The following TCF7L2 variants were observed in gnomAD, a reference collection of about 807,000 sequenced individuals.
The protein encoded by TCF7L2 is transcription factor 7-like 2.
Under a neutral mutation model 77.9 loss-of-function variants are expected in TCF7L2, and 23 were observed. The ratio of observed to expected loss-of-function variants is 0.30; its 90% CI spans 0.21 to 0.42. The LOEUF is 0.42. TCF7L2 is among the 10% of genes least tolerant of loss of function. The pLI is 1.00. For missense variants in TCF7L2, 654 were observed against 793.1 expected (o/e 0.82, Z 2.11); for synonymous variants, 413 against 340.2 (o/e 1.21, Z -2.36).
chr10:113,058,912 C>G (rs1442624833), intron 5 of TCF7L2, among the ~76,000 whole-genome samples: 2 of 152,142 alleles, frequency 1.3e-5, no homozygotes, highest in Non-Finnish European at 2.9e-5. Flanking sequence ...AGTTAATGCC[C>G]GCTCTGCAAA....
intron 8 of TCF7L2, among the ~76,000 whole-genome samples, 171 bp from the exon 9 acceptor site, chr10:113,150,827 A>G (rs370061244): frequency 5.8e-4 from 89 of 152,366 alleles, no homozygotes; most frequent in African/African-American, 2.1e-3. Context: ...CATTATGAGA[A>G]TCATTATGTT....
At chr10:112,961,807 A>G (rs1223305718) in intron 3 of TCF7L2, among the ~76,000 whole-genome samples, 1 of 117,988 alleles carries the variant, frequency 8.5e-6, no homozygotes, top group Non-Finnish European at 1.7e-5. Flanking sequence ...GTCGCTGGGC[A>G]CGTGAGGGAA....
chr10:113,157,834 A>G, intron 11 of TCF7L2, 187 bp from the exon 12 acceptor site: 1 of 576,826 alleles, frequency 1.7e-6, no homozygotes, highest in Non-Finnish European at 3.1e-6. Context: ...GTGTCCCTCC[A>G]GCTGGGGTAC....
intron 5 of TCF7L2, among the ~76,000 whole-genome samples, chr10:113,112,103 T>C (rs575876014): frequency 4.7e-4 from 71 of 152,360 alleles, no homozygotes; most frequent in Non-Finnish European, 6.9e-4. Flanking sequence ...AATGGGAGTA[T>C]ACTCCCAGCT....
In TCF7L2 at chr10:113,165,643, C is replaced by A. The variant is rs766781345; in HGVS notation, c.1480C>A (p.Pro494Thr). The A allele has an allele frequency of 3.1e-6, 5 of 1,611,040 alleles. No homozygotes were observed. The highest frequency in any genetic ancestry group is 1.6e-4 in the Middle Eastern group (1 of 6,068). Residue 494 changes from proline to threonine, a missense_variant, in exon 14 of 14, where the codon CCC (proline) becomes ACC (threonine). Coordinates refer to ENST00000627217, the MANE Select transcript of TCF7L2 (RefSeq NM_001146274.2). ...AGATGGAAGCTTACTAGATTCGCCTCCCCCCTCCCCGAACCTGCTAGGCTC... is the reference window on the plus strand; with the variant it reads ...AGATGGAAGCTTACTAGATTCGCCTACCCCCTCCCCGAACCTGCTAGGCTC...
At chr10:113,083,865 A>G (rs896055220) in intron 5 of TCF7L2, among the ~76,000 whole-genome samples, 1 of 152,148 alleles carries the variant, frequency 6.6e-6, no homozygotes, top group Admixed American at 6.5e-5. Context: ...AAATTCTTCC[A>G]TTTATGCATA....
chr10:113,093,268 A>G (rs762060446), intron 5 of TCF7L2, among the ~76,000 whole-genome samples: 4 of 152,168 alleles, frequency 2.6e-5, no homozygotes, highest in Non-Finnish European at 4.4e-5. Context: ...AATTAAGGTA[A>G]CTGAGCCAGA....
At chr10:113,049,577 C>A (rs1010271624) in intron 5 of TCF7L2, among the ~76,000 whole-genome samples, 1 of 152,054 alleles carries the variant, frequency 6.6e-6, no homozygotes, top group African/African-American at 2.4e-5. Context: ...TGCTGGTCTC[C>A]TTCTTGCTTC....
intron 3 of TCF7L2, among the ~76,000 whole-genome samples, chr10:112,954,503 C>T (rs1437260474): frequency 6.6e-6 from 1 of 152,102 alleles, no homozygotes. Context: ...AAGATTTCTG[C>T]ATAATATTAA....
intron 5 of TCF7L2, among the ~76,000 whole-genome samples, chr10:113,140,111 T>A (rs1251639940): frequency 6.6e-6 from 1 of 152,166 alleles, no homozygotes; most frequent in African/African-American, 2.4e-5. Flanking sequence ...TTAGCGAAAA[T>A]CCTCTATGGG....
intron 5 of TCF7L2, among the ~76,000 whole-genome samples, chr10:113,134,812 C>T (rs2067157563): frequency 6.6e-6 from 1 of 152,142 alleles, no homozygotes; most frequent in Admixed American, 6.5e-5. Flanking sequence ...GTGAAGACCC[C>T]CAAAGACCTT....
chr10:113,018,818 G>C (rs2047785908), intron 4 of TCF7L2, among the ~76,000 whole-genome samples: 1 of 152,152 alleles, frequency 6.6e-6, no homozygotes, highest in Non-Finnish European at 1.5e-5. Flanking sequence ...CCCTCTGGCT[G>C]GGGTGGACTG....
rs765693671 is a variant in TCF7L2 at position 113,165,669 on chromosome 10, C to G, written c.1506C>G (p.Ser502=). 1 of 1,611,296 alleles carries G rather than the reference C, an allele frequency of 6.2e-7. No individual in the cohort carries two copies. Among genetic ancestry groups the G allele is most frequent in the East Asian group, 2.2e-5 (1 of 44,812 alleles). The change falls in exon 14 of 14, where the codon TCC becomes TCG. Residue 502 remains serine, a synonymous_variant. Transcript: ENST00000627217. ...CCCCCTCCCCGAACCTGCTAGGCTC[C>G]CCTCCCCGAGACGCCAAGTCACAGA...
intron 5 of TCF7L2, among the ~76,000 whole-genome samples, chr10:113,068,220 C>G (rs536071473): frequency 1.3e-5 from 2 of 152,358 alleles, no homozygotes; most frequent in Non-Finnish European, 2.9e-5. Flanking sequence ...ATACCACCTT[C>G]CTATTTTGAA....
rs987534529 is a variant in TCF7L2 at position 112,964,007 on chromosome 10, C to T, written c.382-549C>T. Reference sequence around the variant, plus strand: ...CATCATGAAAGAATGTGTAAGGCATCGGGTGGCCCCTGAATTCTGTCTGAC... The same window carrying T: ...CATCATGAAAGAATGTGTAAGGCATTGGGTGGCCCCTGAATTCTGTCTGAC... On this transcript the variant is annotated intron_variant, in intron 3 of 13. Coordinates refer to ENST00000627217, the MANE Select transcript of TCF7L2 (RefSeq NM_001146274.2). Among the ~76,000 whole-genome samples the T allele has an allele frequency of 4.0e-4, 61 of 152,110 alleles. 1 individual carries two copies. Among genetic ancestry groups the T allele is most frequent in the Admixed American group, 4.0e-3 (61 of 15,270 alleles).
chr10:113,162,106 G>A (rs2073256039), intron 13 of TCF7L2, among the ~76,000 whole-genome samples: 1 of 152,212 alleles, frequency 6.6e-6, no homozygotes. Flanking sequence ...GTTAAGCAGT[G>A]AATTTGTCAA....
At chr10:113,049,437 A>AGTGTGTCCTCTCTACC in intron 5 of TCF7L2, among the ~76,000 whole-genome samples, 1 of 151,880 alleles carries the variant, frequency 6.6e-6, no homozygotes, top group Non-Finnish European at 1.5e-5. Context: ...CCATCAGCCC[A>AGTGTGTCCTCTCTACC]TCCCACAGGC....
intron 5 of TCF7L2, among the ~76,000 whole-genome samples, chr10:113,134,577 C>A (rs1210483243): frequency 1.3e-5 from 2 of 152,326 alleles, no homozygotes; most frequent in Admixed American, 6.5e-5. Flanking sequence ...AACAGCCCTT[C>A]CTTCATTGTG....
intron 4 of TCF7L2, among the ~76,000 whole-genome samples, chr10:113,013,237 G>A (rs555326751): frequency 2.0e-5 from 3 of 147,868 alleles, no homozygotes; most frequent in Non-Finnish European, 3.0e-5. Context: ...TCCTGCCTCA[G>A]CCTCCTGAAT....
Sources: allele counts gnomAD v4.1 joint callset (sites outside exome capture counted in the v4.1 genomes callset), GRCh38; gene constraint gnomAD v4.1.1; transcripts MANE v1.5; gene names NCBI Gene and HGNC (gene_info 2026-07-23, HGNC 2026-07-21).